The following RPH3A variants were observed in gnomAD, a reference collection of about 807,000 sequenced individuals.
RPH3A encodes rabphilin-3A.
In RPH3A, 48 loss-of-function variants were observed where a neutral mutation model predicts 102.2. The ratio of observed to expected loss-of-function variants is 0.47; its 90% CI spans 0.37 to 0.60. The LOEUF (loss-of-function observed/expected upper bound fraction) is 0.60. RPH3A is among the 20% of genes least tolerant of loss of function. The pLI is 0.00. For synonymous variants in RPH3A, 310 were observed against 324.3 expected, an observed-to-expected ratio of 0.96 and a Z score of 0.47; for missense variants, 781 against 910.1, an observed-to-expected ratio of 0.86 and a Z score of 1.83.
chr12:112,847,465 T>G (rs572598504), intron 4 of RPH3A, among the ~76,000 whole-genome samples: 75 of 152,158 alleles, frequency 4.9e-4, no homozygotes, highest in African/African-American at 1.7e-3. Context: ...CAGGTTTCCA[T>G]GAGCTTGCTG....
At chr12:112,576,003 C>T (rs573234109) in intron 1 of RPH3A, among the ~76,000 whole-genome samples, 10 of 152,200 alleles carry the variant, frequency 6.6e-5, no homozygotes, top group African/African-American at 2.2e-4. Flanking sequence ...GAGGGATGCA[C>T]AATGGGCCCA....
intron 1 of RPH3A, among the ~76,000 whole-genome samples, chr12:112,673,398 A>T (rs1253883389): frequency 1.3e-5 from 2 of 152,022 alleles, no homozygotes; most frequent in Non-Finnish European, 2.9e-5. Context: ...TGGCATGAAC[A>T]TGGTTCACTG....
intron 1 of RPH3A, among the ~76,000 whole-genome samples, chr12:112,705,900 C>T (rs1443618072): frequency 1.3e-5 from 2 of 152,160 alleles, no homozygotes; most frequent in African/African-American, 4.8e-5. Flanking sequence ...ATCCACCCAT[C>T]TGTTTTCTAG....
intron 2 of RPH3A, among the ~76,000 whole-genome samples, chr12:112,805,566 A>G (rs1262108234): frequency 6.6e-6 from 1 of 152,178 alleles, no homozygotes; most frequent in Non-Finnish European, 1.5e-5. Flanking sequence ...CCAGTTAGCT[A>G]GGTCATCCTT....
chr12:112,652,554 T>A (rs549130170), intron 1 of RPH3A, among the ~76,000 whole-genome samples: 1 of 152,290 alleles, frequency 6.6e-6, no homozygotes, highest in African/African-American at 2.4e-5. Flanking sequence ...ACTGGACTGG[T>A]GGCTGTTGAG....
chr12:112,787,194 A>G (rs2041057156), upstream of RPH3A, among the ~76,000 whole-genome samples: 1 of 152,198 alleles, frequency 6.6e-6, no homozygotes, highest in Non-Finnish European at 1.5e-5. Flanking sequence ...CAAGATCCTC[A>G]ACTTCATCAC....
intron 1 of RPH3A, among the ~76,000 whole-genome samples, chr12:112,615,287 T>C (rs1434205420): frequency 6.6e-6 from 1 of 152,154 alleles, no homozygotes; most frequent in African/African-American, 2.4e-5. Context: ...ACCTGTTGTG[T>C]GAAGATGGGC....
At chr12:112,711,187 C>G (rs376193625) in intron 1 of RPH3A, among the ~76,000 whole-genome samples, 1 of 152,140 alleles carries the variant, frequency 6.6e-6, no homozygotes, top group Non-Finnish European at 1.5e-5. Flanking sequence ...ACTTACAGTT[C>G]TTAGGCTCAT....
chr12:112,601,658 A>G (rs1592901715), intron 1 of RPH3A, among the ~76,000 whole-genome samples: 1 of 152,336 alleles, frequency 6.6e-6, no homozygotes, highest in African/African-American at 2.4e-5. Flanking sequence ...TAGACTGGGC[A>G]TAGTGGCTCA....
At chr12:112,770,613 C>T (rs1236261184) in intron 1 of RPH3A, among the ~76,000 whole-genome samples, 2 of 152,080 alleles carry the variant, frequency 1.3e-5, no homozygotes, top group Non-Finnish European at 2.9e-5. Flanking sequence ...TAAAGTGTTG[C>T]AGTTGCTAGG....
intron 1 of RPH3A, among the ~76,000 whole-genome samples, chr12:112,602,755 A>C (rs1225588267): frequency 6.6e-6 from 1 of 151,964 alleles, no homozygotes; most frequent in Non-Finnish European, 1.5e-5. Flanking sequence ...ACACCACTGC[A>C]CTCCAGCCTG....
At chr12:112,723,718 T>C (rs2040567035) in intron 1 of RPH3A, among the ~76,000 whole-genome samples, 1 of 152,224 alleles carries the variant, frequency 6.6e-6, no homozygotes, top group East Asian at 1.9e-4. Context: ...CACTTGGAGA[T>C]GATTATTGTC....
chr12:112,742,783 A>G (rs1483630259), intron 1 of RPH3A, among the ~76,000 whole-genome samples: 6 of 152,304 alleles, frequency 3.9e-5, no homozygotes, highest in Middle Eastern at 3.4e-3. Flanking sequence ...ATAAATTACT[A>G]CAAACTTAGT....
chr12:112,875,334 C>T (rs550316787), intron 11 of RPH3A, among the ~76,000 whole-genome samples, 164 bp downstream of exon 11: 1 of 152,222 alleles, frequency 6.6e-6, no homozygotes, highest in East Asian at 1.9e-4. Flanking sequence ...TTCCCTGGGC[C>T]AAGAAGCTGG....
chr12:112,576,137 AG>A (rs1409633922), intron 1 of RPH3A, among the ~76,000 whole-genome samples: 1 of 152,240 alleles, frequency 6.6e-6, no homozygotes, highest in Non-Finnish European at 1.5e-5. Flanking sequence ...GGAAACAGGT[AG>A]GCAAGGTGAA....
At chr12:112,856,615 G>A (rs1369042396) in intron 5 of RPH3A, among the ~76,000 whole-genome samples, 4 of 151,952 alleles carry the variant, frequency 2.6e-5, no homozygotes, top group Non-Finnish European at 4.4e-5. Context: ...AGATAGATAG[G>A]CACTTGAGTC....
At chr12:112,660,933 G>C (rs1184200067) in intron 1 of RPH3A, among the ~76,000 whole-genome samples, 1 of 152,146 alleles carries the variant, frequency 6.6e-6, no homozygotes, top group Non-Finnish European at 1.5e-5. Context: ...CAGGAGAATA[G>C]ACAAGCTCTG....
intron 1 of RPH3A, among the ~76,000 whole-genome samples, chr12:112,578,649 T>C (rs1212089580): frequency 6.6e-6 from 1 of 152,134 alleles, no homozygotes; most frequent in Non-Finnish European, 1.5e-5. Flanking sequence ...TTCAATAAGC[T>C]CCTATTGCAA....
At chr12:112,718,011 G>A (rs761463146) in intron 1 of RPH3A, 9 of 152,110 alleles carry the variant, frequency 5.9e-5, no homozygotes, top group Non-Finnish European at 1.2e-4. Flanking sequence ...TCCAGGCAAC[G>A]TTCGTTCTAC....
Sources: allele counts gnomAD v4.1 joint callset (sites outside exome capture counted in the v4.1 genomes callset), GRCh38; gene constraint gnomAD v4.1.1; transcripts MANE v1.5; gene names NCBI Gene and HGNC (gene_info 2026-07-23, HGNC 2026-07-21).